NRG1: variants seen among roughly 807,000 people sequenced by gnomAD.
NRG1 encodes the protein pro-neuregulin-1, membrane-bound isoform.
Under a neutral mutation model 63.8 loss-of-function variants are expected in NRG1, and 18 were observed. The observed-to-expected ratio is 0.28, with a 90% CI of 0.19 to 0.42. The LOEUF is 0.42. NRG1 is among the 10% of genes least tolerant of loss of function. The probability of loss-of-function intolerance (pLI) is 1.00; values close to 1 mark genes in which losing one functional copy is unlikely to be tolerated. For synonymous variants in NRG1, 302 were observed against 301.3 expected, an observed-to-expected ratio of 1.00 and a Z score of -0.02; for missense variants, 762 against 814.7, an observed-to-expected ratio of 0.94 and a Z score of 0.79.
intron 5 of NRG1, among the ~76,000 whole-genome samples, chr8:32,627,714 T>C (rs1362640835): frequency 2.6e-5 from 4 of 152,154 alleles, no homozygotes; most frequent in Non-Finnish European, 5.9e-5. Flanking sequence ...AGTGGTAAAT[T>C]TTAAAAAGGA....
chr8:32,760,890 T>A, intron 11 of NRG1: 1 of 995,350 alleles, frequency 1.0e-6, no homozygotes, highest in South Asian at 4.5e-5. Flanking sequence ...GGCTATGTCA[T>A]TGCTGAATGT....
chr8:32,319,287 A>G (rs1801107632), intron 1 of NRG1, among the ~76,000 whole-genome samples: 1 of 152,182 alleles, frequency 6.6e-6, no homozygotes, highest in South Asian at 2.1e-4. Context: ...ATCAGAGTGC[A>G]GATTTTGAAT....
chr8:32,442,030 T>C (rs1430005248), intron 1 of NRG1, among the ~76,000 whole-genome samples: 2 of 152,220 alleles, frequency 1.3e-5, no homozygotes, highest in Non-Finnish European at 2.9e-5. Context: ...CCATTCAAAA[T>C]AGAGATAAAA....
chr8:32,151,831 C>T (rs1286908486), intron 1 of NRG1, among the ~76,000 whole-genome samples: 2 of 152,086 alleles, frequency 1.3e-5, no homozygotes, highest in Non-Finnish European at 2.9e-5. Context: ...TCATAAAATT[C>T]CAGTGTTGAA....
intron 5 of NRG1, among the ~76,000 whole-genome samples, chr8:32,676,179 C>T (rs1374296209): frequency 1.3e-5 from 2 of 152,240 alleles, no homozygotes; most frequent in African/African-American, 2.4e-5. Flanking sequence ...TAACTGATAC[C>T]GTCTGGTGAC....
chr8:32,522,750 G>C (rs1393128945), intron 1 of NRG1, among the ~76,000 whole-genome samples: 1 of 151,128 alleles, frequency 6.6e-6, no homozygotes, highest in African/African-American at 2.4e-5. Flanking sequence ...TTAAAAACAA[G>C]CAAACTCAGA....
At chr8:32,492,698 C>T (rs570643341) in intron 1 of NRG1, among the ~76,000 whole-genome samples, 1 of 152,236 alleles carries the variant, frequency 6.6e-6, no homozygotes, top group South Asian at 2.1e-4. Flanking sequence ...TCCCTGTGTT[C>T]TGAGTAACAT....
intron 1 of NRG1, among the ~76,000 whole-genome samples, chr8:32,490,171 G>T (rs919366293): frequency 1.3e-5 from 2 of 152,124 alleles, no homozygotes; most frequent in South Asian, 2.1e-4. Flanking sequence ...TGGACACAGT[G>T]GTGTATGCCT....
rs374518868 is a variant in NRG1 at position 32,035,287 on chromosome 8, G to A, written c.37+395856G>A. 6.6e-4 allele frequency among the ~76,000 whole-genome samples: 100 copies of A among 152,222 alleles called. 2 individuals are homozygous for A. In the South Asian group the frequency reaches 0.02, roughly 31 times the overall value. On this transcript the variant is annotated intron_variant, in intron 1 of 10. Transcript: ENST00000519301. Reference sequence around the variant, plus strand: ...GAGTTTCTTGAGTTCTGATTTGATTGTGCTGTGGTCTAAGAGACTGTTTGT... The same window carrying A: ...GAGTTTCTTGAGTTCTGATTTGATTATGCTGTGGTCTAAGAGACTGTTTGT...
chr8:31,981,178 AT>A (rs1809013292), intron 1 of NRG1, among the ~76,000 whole-genome samples: 1 of 151,976 alleles, frequency 6.6e-6, no homozygotes, highest in Non-Finnish European at 1.5e-5. Context: ...GTTAGGAAAC[AT>A]TTTGTTCCAG....
intron 1 of NRG1, among the ~76,000 whole-genome samples, chr8:32,166,179 T>A (rs907260318): frequency 7.2e-5 from 11 of 152,202 alleles, no homozygotes; most frequent in African/African-American, 2.4e-4. Context: ...TTTTATTTGC[T>A]ATACCCTTGT....
chr8:32,516,338 G>A (rs1043262572), intron 1 of NRG1, among the ~76,000 whole-genome samples: 1 of 152,122 alleles, frequency 6.6e-6, no homozygotes, highest in Non-Finnish European at 1.5e-5. Flanking sequence ...TAGCCTTATA[G>A]TATAGTTTGA....
chr8:32,636,329 A>T (rs1851333589), intron 5 of NRG1, among the ~76,000 whole-genome samples: 1 of 152,342 alleles, frequency 6.6e-6, no homozygotes, highest in African/African-American at 2.4e-5. Context: ...TGTCAGGGAC[A>T]TGATTTAGTT....
intron 1 of NRG1, among the ~76,000 whole-genome samples, chr8:31,908,491 C>T (rs1468916806): frequency 6.6e-6 from 1 of 152,116 alleles, no homozygotes; most frequent in East Asian, 1.9e-4. Context: ...ACCTTGTCAC[C>T]AGAAGCTGAC....
intron 1 of NRG1, among the ~76,000 whole-genome samples, chr8:31,843,010 C>T (rs551938531): frequency 3.3e-5 from 5 of 152,050 alleles, no homozygotes; most frequent in South Asian, 2.1e-4. Flanking sequence ...ATAAATTATG[C>T]GTATTAACAC....
At chr8:32,299,045 A>AAAAAAAG (rs1554501325) in intron 1 of NRG1, among the ~76,000 whole-genome samples, 1 of 145,126 alleles carries the variant, frequency 6.9e-6, no homozygotes. Flanking sequence ...AAAAAAAAAA[A>AAAAAAAG]AAAGAAAGAA....
chr8:32,168,826 T>A (rs529438821), intron 1 of NRG1, among the ~76,000 whole-genome samples: 1 of 152,304 alleles, frequency 6.6e-6, no homozygotes, highest in East Asian at 1.9e-4. Context: ...TATGTCTGTC[T>A]TGTATCATCT....
chr8:32,682,298 G>A lies in NRG1; in HGVS notation c.503-45651G>A, dbSNP rs577129795. Among the ~76,000 whole-genome samples, 49 of 152,166 alleles carry A rather than the reference G, an allele frequency of 3.2e-4. No homozygotes were observed. In the South Asian group the frequency reaches 9.5e-3, roughly 30 times the overall value. The stretch of plus-strand genomic sequence containing the variant: ...ATTGATTAATATTTAGATTTTCAGC[G>A]TTTTAAGTGTCTGTACCTTATTTAC... On this transcript the variant is annotated intron_variant, in intron 5 of 11. Coordinates refer to ENST00000356819, the Ensembl canonical transcript of NRG1.
intron 1 of NRG1, among the ~76,000 whole-genome samples, chr8:31,697,975 A>G (rs1391396560): frequency 6.8e-6 from 1 of 148,006 alleles, no homozygotes; most frequent in East Asian, 2.0e-4. Flanking sequence ...CCTGAATCGC[A>G]TTTTTCTCCA....
Sources: gnomAD v4.1 joint callset for allele counts (sites outside exome capture counted in the v4.1 genomes callset) on GRCh38, gnomAD v4.1.1 for gene constraint, MANE v1.5 for transcripts, NCBI Gene and HGNC (gene_info 2026-07-23, HGNC 2026-07-21) for gene names.